SLC7A7: variants seen among roughly 807,000 people sequenced by gnomAD.
The protein encoded by SLC7A7 is solute carrier family 7 member 7.
SLC7A7 carries 39 observed loss-of-function variants against 47.9 expected under a neutral mutation model. The observed-to-expected ratio is 0.81, with a 90% confidence interval of 0.63 to 1.06. The LOEUF is 1.06. Among genes scored for constraint, SLC7A7 ranks in the 50% least tolerant of loss-of-function variants. SLC7A7 has a pLI of 0.00. For synonymous variants in SLC7A7, 234 were observed against 242.8 expected (o/e 0.96, Z 0.34); for missense variants, 588 against 632.0 (o/e 0.93, Z 0.75).
rs1023321420 is a variant in SLC7A7, at chr14:22,774,469, T to C, written c.1130A>G (p.Asp377Gly). 3 of 1,614,012 alleles carry C rather than the reference T, an allele frequency of 1.9e-6. No homozygotes were observed. The highest frequency in any genetic ancestry group is 2.5e-6 in the Non-Finnish European group (3 of 1,180,030). ...IMALIYLCVE[D>G]IFQLINYYSF... ...GTAGTAGTTAATGAGCTGGAAGATG[T>C]CTTCCACGCACAAGTAGATCAATGC... The change falls in exon 8 of 10, where the codon GAC (aspartate) becomes GGC (glycine). Residue 377 changes from aspartate (D) to glycine (G), a missense_variant. Transcript: ENST00000674313.
At chr14:22,796,692 G>A (rs1594967554) in intron 2 of SLC7A7, among the ~76,000 whole-genome samples, 3 of 152,284 alleles carry the variant, frequency 2.0e-5, no homozygotes, top group Non-Finnish European at 2.9e-5. Context: ...AAACAACTAG[G>A]TCTCAGTGTG....
chr14:22,778,750 G>C lies in SLC7A7; in HGVS notation c.770+43C>G, dbSNP rs762604644. 5.0e-6 allele frequency: 8 copies of C among 1,603,558 alleles called. No individual in the cohort carries two copies. In the African/African-American group the frequency reaches 9.4e-5, roughly 19 times the overall value. On this transcript the variant is annotated intron_variant, in intron 4 of 9. Transcript: ENST00000674313. Reference sequence around the variant, plus strand: ...GGCACGTAGTAGGAGCTCATTAAATGATGGCTATCACTGCTATGGAAAGTT... The same window carrying C: ...GGCACGTAGTAGGAGCTCATTAAATCATGGCTATCACTGCTATGGAAAGTT...
intron 2 of SLC7A7, among the ~76,000 whole-genome samples, chr14:22,797,704 G>A (rs577198897): frequency 2.6e-5 from 4 of 152,148 alleles, no homozygotes; most frequent in Non-Finnish European, 4.4e-5. Context: ...AGGGCAAAAC[G>A]TTATTACCCT....
intron 6 of SLC7A7, 48 bp from the exon 7 acceptor site, chr14:22,775,588 G>A (rs776446065): frequency 9.3e-6 from 14 of 1,506,766 alleles, no homozygotes; most frequent in South Asian, 6.7e-5. Flanking sequence ...TGGACACGGT[G>A]CAGCCTGGTT....
chr14:22,776,444 A>C, intron 4 of SLC7A7, 126 bp from the exon 5 acceptor site: 1 of 1,255,180 alleles, frequency 8.0e-7, no homozygotes, highest in Non-Finnish European at 1.2e-6. Context: ...CATTTCCTCA[A>C]TGCATTTGTC....
chr14:22,813,041 G>A lies in SLC7A7; in HGVS notation c.358C>T (p.Leu120Phe), dbSNP rs779253748. 6.2e-7 allele frequency: 1 copy of A among 1,614,086 alleles called. No individual in the cohort carries two copies. Among genetic ancestry groups the A allele is most frequent in the Admixed American group, 1.7e-5 (1 of 60,016 alleles). Residue 120 changes from leucine (L) to phenylalanine (F), a missense_variant, in exon 2 of 10, where the codon CTC becomes TTC. By Grantham distance (22) the Leu-to-Phe change is conservative. Coordinates refer to ENST00000674313, the MANE Select transcript of SLC7A7 (RefSeq NM_003982.4). ...AFGGFLAFIRLWTSLLIIEPT... is the reference protein window; with the variant it reads ...AFGGFLAFIRFWTSLLIIEPT... ...TCAATGATGAGCAGGGAGGTCCAGA[G>A]TCTGATGAAAGCAAGGAATCCTCCA... is the stretch of plus-strand genomic sequence containing the variant.
chr14:22,779,860 C>G, intron 3 of SLC7A7, 66 bp downstream of exon 3: 1 of 1,430,870 alleles, frequency 7.0e-7, no homozygotes, highest in Non-Finnish European at 9.8e-7. Context: ...ACAAAGAGCA[C>G]TTAGAGGAGT....
rs1265143754 is a variant in SLC7A7, at chr14:22,813,202, C to T, written c.197G>A (p.Ser66Asn). The T allele has an allele frequency of 6.2e-7, 1 of 1,614,076 alleles. No homozygotes were observed. The highest frequency in any genetic ancestry group is 8.5e-7 in the Non-Finnish European group (1 of 1,180,044). Reference protein sequence around the residue: ...FVSPKGVLIYSASFGLSLVIW... With the variant: ...FVSPKGVLIYNASFGLSLVIW... ...GACCAGAGAGAGACCAAAGGAGGCA[C>T]TGTATATGAGCACACCCTTGGGGGA... Residue 66 changes from serine (S) to asparagine (N), a missense_variant, in exon 2 of 10, where the codon AGT (serine) becomes AAT (asparagine). By Grantham distance (46) the Ser-to-Asn change is conservative. Transcript: ENST00000674313.
chr14:22,779,132 G>A (rs942432574), intron 3 of SLC7A7, among the ~76,000 whole-genome samples, 195 bp from the exon 4 acceptor site: 1 of 152,208 alleles, frequency 6.6e-6, no homozygotes, highest in African/African-American at 2.4e-5. Context: ...AGAATGCCCT[G>A]CATCCTAATG....
intron 2 of SLC7A7, among the ~76,000 whole-genome samples, chr14:22,798,031 C>T (rs1043509396): frequency 3.9e-5 from 6 of 152,186 alleles, no homozygotes; most frequent in Non-Finnish European, 5.9e-5. Flanking sequence ...CACGGTGGCT[C>T]ATGCCTGTAA....
At position 22,788,311 on chromosome 14, in the gene SLC7A7, TTCAAA is replaced by T. The variant is rs1423524552; in HGVS notation, c.500-8265_500-8261del. Reference sequence around the variant, plus strand: ...ACAATCTAATGATGCTATCAAACAATTCAAATCAAATTAGTATATATTTATGTAGA... The same window carrying T: ...ACAATCTAATGATGCTATCAAACAATTCAAATTAGTATATATTTATGTAGA... On this transcript the variant is annotated intron_variant, in intron 2 of 9. Coordinates refer to ENST00000674313, the MANE Select transcript of SLC7A7 (RefSeq NM_003982.4). Among the ~76,000 whole-genome samples, 3 of 152,094 alleles carry T rather than the reference TTCAAA, an allele frequency of 2.0e-5. No individual in the cohort carries two copies. The East Asian group carries it at 5.8e-4, about 29-fold the overall frequency.
chr14:22,784,402 G>A (rs1001989274), intron 2 of SLC7A7, among the ~76,000 whole-genome samples: 19 of 152,058 alleles, frequency 1.2e-4, no homozygotes, highest in African/African-American at 4.3e-4. Flanking sequence ...GACAGATCAC[G>A]AGGTCAAGAG....
Position 22,779,928 on chromosome 14 carries a change from T to C in SLC7A7, c.623A>G (p.Gln208Arg), listed in dbSNP as rs2038686158. ...TTGCTACTAATATTATTTCTTACCCTGGCCAAGTCTAACAATGCCTGCAAC... is the reference window on the plus strand; with the variant it reads ...TTGCTACTAATATTATTTCTTACCCCGGCCAAGTCTAACAATGCCTGCAAC... ...VIVAGIVRLG[Q>R]GASTHFENSF... is the part of the protein sequence containing the mutation. Residue 208 changes from glutamine (Q) to arginine (R), a missense_variant and splice_region_variant, in exon 3 of 10, where the codon CAG becomes CGG. Gln to Arg is a conservative substitution (Grantham distance 43). Coordinates refer to ENST00000674313, the MANE Select transcript of SLC7A7 (RefSeq NM_003982.4). The C allele has an allele frequency of 6.2e-7, 1 of 1,614,052 alleles. No individual in the cohort carries two copies. Among genetic ancestry groups the C allele is most frequent in the Admixed American group, 1.7e-5 (1 of 60,004 alleles).
intron 1 of SLC7A7, 96 bp from the exon 2 acceptor site, chr14:22,813,536 A>T: frequency 9.5e-7 from 1 of 1,053,462 alleles, no homozygotes; most frequent in Non-Finnish European, 1.4e-6. Context: ...GCAGCTCACC[A>T]ACCAATGCGG....
intron 2 of SLC7A7, among the ~76,000 whole-genome samples, chr14:22,794,743 C>T (rs1283215793): frequency 6.6e-6 from 1 of 152,164 alleles, no homozygotes; most frequent in Non-Finnish European, 1.5e-5. Flanking sequence ...ACTCAAGGCT[C>T]CTCTATCCTG....
At position 22,813,382 on chromosome 14, in the gene SLC7A7, T is replaced by A; in HGVS notation, c.17A>T (p.Glu6Val). 1 of 1,612,650 alleles carries A rather than the reference T, an allele frequency of 6.2e-7. No homozygotes were observed. Among genetic ancestry groups the A allele is most frequent in the African/African-American group, 1.3e-5 (1 of 75,062 alleles). MVDST[E>V]YEVASQPEVE... ...CTCAGGCTGGGAGGCCACTTCATAC[T>A]CAGTGCTGTCAACCATGGTGGAGGA... The change falls in exon 2 of 10, where the codon GAG becomes GTG. Residue 6 changes from glutamate (E) to valine (V), a missense_variant. Glu to Val is a moderately radical substitution (Grantham distance 121, BLOSUM62 -2). Coordinates refer to ENST00000674313, the MANE Select transcript of SLC7A7 (RefSeq NM_003982.4).
intron 2 of SLC7A7, among the ~76,000 whole-genome samples, chr14:22,793,062 G>A (rs1216783326): frequency 3.3e-5 from 5 of 151,432 alleles, no homozygotes; most frequent in East Asian, 2.0e-4. Flanking sequence ...GACTACAGGC[G>A]CCCGCCACCA....
In SLC7A7 at chr14:22,783,939, C is replaced by A. The variant is rs1029030354; in HGVS notation, c.500-3888G>T. ...AGCCCTCCTCTTCCTCAAAGCCTAG[C>A]TTCCTCCAGGGCCTCTTGACTGTGG... On this transcript the variant is annotated intron_variant, in intron 2 of 9. Coordinates refer to ENST00000674313, the MANE Select transcript of SLC7A7 (RefSeq NM_003982.4). Among the ~76,000 whole-genome samples, 3 of 152,240 alleles carry A rather than the reference C, an allele frequency of 2.0e-5. No homozygotes were observed. The South Asian group carries it at 6.2e-4, about 31-fold the overall frequency.
At chr14:22,792,896 AAAG>A (rs2038949290) in intron 2 of SLC7A7, among the ~76,000 whole-genome samples, 1 of 146,396 alleles carries the variant, frequency 6.8e-6, no homozygotes, top group South Asian at 2.2e-4. Flanking sequence ...AGAGAGAGAG[AAAG>A]GAAAAGAAAA....
Sources: allele counts gnomAD v4.1 joint callset (sites outside exome capture counted in the v4.1 genomes callset), GRCh38; gene constraint gnomAD v4.1.1; transcripts MANE v1.5; gene names NCBI Gene and HGNC (gene_info 2026-07-23, HGNC 2026-07-21).